KDM7A: variants seen among roughly 807,000 people sequenced by gnomAD.
KDM7A encodes lysine-specific demethylase 7A.
Under a neutral mutation model 114.8 loss-of-function variants are expected in KDM7A, and 28 were observed. The ratio of observed to expected loss-of-function variants is 0.24; its 90% CI spans 0.18 to 0.33. The LOEUF is 0.33. KDM7A is among the 10% of genes least tolerant of loss of function. The pLI is 1.00. For synonymous variants in KDM7A, 423 were observed against 397.8 expected, an observed-to-expected ratio of 1.06 and a Z score of -0.75; for missense variants, 942 against 1,142.5, an observed-to-expected ratio of 0.82 and a Z score of 2.53.
chr7:140,117,346 G>A (rs1414466594), intron 9 of KDM7A, among the ~76,000 whole-genome samples: 2 of 152,008 alleles, frequency 1.3e-5, no homozygotes, highest in Non-Finnish European at 2.9e-5. Flanking sequence ...GTGGCTTCAC[G>A]AGCAATGGCA....
chr7:140,099,256 A>G (rs1333480469), intron 13 of KDM7A, among the ~76,000 whole-genome samples: 1 of 152,146 alleles, frequency 6.6e-6, no homozygotes, highest in African/African-American at 2.4e-5. Flanking sequence ...GTGCAGTGGC[A>G]CAATCATAGC....
chr7:140,124,481 A>G (rs1204568317), intron 7 of KDM7A, 140 bp downstream of exon 7: 2 of 594,904 alleles, frequency 3.4e-6, no homozygotes, highest in South Asian at 2.9e-5. Context: ...ACAAAACATA[A>G]AAGTCCAAGA....
At chr7:140,112,003 A>C (rs1818441889) in intron 10 of KDM7A, among the ~76,000 whole-genome samples, 1 of 152,040 alleles carries the variant, frequency 6.6e-6, no homozygotes, top group Non-Finnish European at 1.5e-5. Flanking sequence ...TGAGAATCAC[A>C]CATCTAAAGC....
chr7:140,139,184 A>C lies in KDM7A; in HGVS notation c.201T>G (p.Val67=), dbSNP rs1302290110. ...CAACAGCATGATGTTCTTCTACTCC[A>C]ACACAGCTAAGACAAAGGAAACCAA... ...ICKDWFHGSC[V]GVEEHHAVDI... Residue 67 remains valine, a synonymous_variant, in exon 2 of 20, where the codon GTT becomes GTG. Transcript: ENST00000397560. 1 of 1,612,424 alleles carries C rather than the reference A, an allele frequency of 6.2e-7. No individual in the cohort carries two copies. The highest frequency in any genetic ancestry group is 1.7e-5 in the Admixed American group (1 of 59,948).
intron 1 of KDM7A, among the ~76,000 whole-genome samples, chr7:140,153,699 A>C (rs763814140): frequency 5.3e-5 from 8 of 152,242 alleles, no homozygotes; most frequent in Non-Finnish European, 1.0e-4. Flanking sequence ...ACATTATGCC[A>C]TTTAGCATGC....
At chr7:140,168,944 A>G (rs1237116313) in intron 1 of KDM7A, among the ~76,000 whole-genome samples, 1 of 152,226 alleles carries the variant, frequency 6.6e-6, no homozygotes, top group Non-Finnish European at 1.5e-5. Flanking sequence ...AGAATCAAAG[A>G]TATCATTATG....
intron 11 of KDM7A, among the ~76,000 whole-genome samples, chr7:140,103,259 A>G (rs936363393): frequency 6.6e-6 from 1 of 152,152 alleles, no homozygotes; most frequent in Admixed American, 6.5e-5. Flanking sequence ...TTCACTTAGC[A>G]AAATATCTTC....
At chr7:140,139,061 G>A in intron 2 of KDM7A, 44 bp downstream of exon 2, 1 of 1,305,652 alleles carries the variant, frequency 7.7e-7, no homozygotes, top group Non-Finnish European at 1.1e-6. Context: ...TGAAATGTCA[G>A]TTTTTCTGAA....
chr7:140,163,692 T>C (rs1017664029), intron 1 of KDM7A, among the ~76,000 whole-genome samples: 18 of 152,184 alleles, frequency 1.2e-4, no homozygotes, highest in African/African-American at 3.6e-4. Context: ...TTTCAACTTC[T>C]CTATATTGCT....
At chr7:140,096,077 A>T (rs1250529767) in intron 17 of KDM7A, among the ~76,000 whole-genome samples, 2 of 152,094 alleles carry the variant, frequency 1.3e-5, no homozygotes, top group Non-Finnish European at 2.9e-5. Flanking sequence ...AAGGAAGAAA[A>T]CACTATGTGG....
In KDM7A at chr7:140,133,273, G is replaced by A. The variant is rs530366001; in HGVS notation, c.398+266C>T. Reference sequence around the variant, plus strand: ...GTGTATTTCAAACTTTTTGGACTGTGGCCCACACTTAAATGTTTTTACAGG... The same window carrying A: ...GTGTATTTCAAACTTTTTGGACTGTAGCCCACACTTAAATGTTTTTACAGG... On this transcript the variant is annotated intron_variant, in intron 3 of 19. Transcript: ENST00000397560. Among the ~76,000 whole-genome samples the A allele has an allele frequency of 1.2e-4, 18 of 152,220 alleles. 1 individual carries two copies. The South Asian group carries it at 3.3e-3, about 28-fold the overall frequency.
chr7:140,176,909 G>T lies in KDM7A; in HGVS notation c.29C>A (p.Ala10Glu). The change falls in exon 1 of 20, where the codon GCG becomes GAG. Residue 10 changes from alanine (A) to glutamate (E), a missense_variant. Around this residue, in one of 4 missense-constraint regions of KDM7A, gnomAD observed 112 missense variants for 96.2 expected, o/e 1.16. Transcript: ENST00000397560. This position sits in a 1 kb window ranked among gnomAD's most constrained non-coding sequence, Gnocchi z 4.4. ...CGCGGCGGCTCCAGCTGCTGCTCCCGCGGCCACCGCCGCCGCCGCTCCGGC... is the reference window on the plus strand; with the variant it reads ...CGCGGCGGCTCCAGCTGCTGCTCCCTCGGCCACCGCCGCCGCCGCTCCGGC... Reference protein sequence around the residue: MAGAAAAVAAGAAAGAAAAA... With the variant: MAGAAAAVAEGAAAGAAAAA... The T allele has an allele frequency of 8.5e-7, 1 of 1,171,614 alleles. No homozygotes were observed. Among genetic ancestry groups the T allele is most frequent in the Non-Finnish European group, 1.1e-6 (1 of 942,818 alleles). The allele number at this position is 1,171,614 out of a possible 1,614,324, so 72.6% of individuals were successfully genotyped here.
At chr7:140,143,536 A>C (rs1794309030) in intron 1 of KDM7A, among the ~76,000 whole-genome samples, 1 of 152,254 alleles carries the variant, frequency 6.6e-6, no homozygotes, top group African/African-American at 2.4e-5. Context: ...TTTCACAATT[A>C]AAATTCTACC....
chr7:140,152,188 AAGG>A (rs1444778784), intron 1 of KDM7A, among the ~76,000 whole-genome samples: 3 of 152,208 alleles, frequency 2.0e-5, no homozygotes, highest in Non-Finnish European at 2.9e-5. Context: ...GCAACATTCT[AAGG>A]AGAACTTAAT....
intron 7 of KDM7A, among the ~76,000 whole-genome samples, chr7:140,124,001 G>C (rs986611372): frequency 1.3e-5 from 2 of 151,608 alleles, no homozygotes; most frequent in Admixed American, 6.6e-5. Flanking sequence ...ACCCGGGATG[G>C]GGAGCTTGCA....
At chr7:140,122,810 C>T (rs1426444596) in intron 7 of KDM7A, among the ~76,000 whole-genome samples, 1 of 152,206 alleles carries the variant, frequency 6.6e-6, no homozygotes, top group Non-Finnish European at 1.5e-5. Context: ...GGGACAGCAG[C>T]CCAGATTCTT....
At chr7:140,134,004 T>C (rs1298828318) in intron 2 of KDM7A, among the ~76,000 whole-genome samples, 1 of 152,236 alleles carries the variant, frequency 6.6e-6, no homozygotes, top group Non-Finnish European at 1.5e-5. Flanking sequence ...TAGGTCCTAA[T>C]ATGATTATCC....
At chr7:140,092,906 G>A (rs964436031) in intron 18 of KDM7A, among the ~76,000 whole-genome samples, 5 of 151,962 alleles carry the variant, frequency 3.3e-5, no homozygotes, top group African/African-American at 7.3e-5. Context: ...ATCATACACC[G>A]AAAAGTAAAT....
At chr7:140,124,038 C>A (rs1367084596) in intron 7 of KDM7A, among the ~76,000 whole-genome samples, 5 of 150,502 alleles carry the variant, frequency 3.3e-5, no homozygotes, top group Non-Finnish European at 7.4e-5. Context: ...CCACTGCACT[C>A]CAGCCTGAGC....
Sources: allele counts gnomAD v4.1 joint callset (sites outside exome capture counted in the v4.1 genomes callset), GRCh38; gene constraint gnomAD v4.1.1; regional missense constraint gnomAD v4.1.1; non-coding constraint Gnocchi (gnomAD v3.1); transcripts MANE v1.5; gene names NCBI Gene and HGNC (gene_info 2026-07-23, HGNC 2026-07-21).